DCAKD: variants seen among roughly 807,000 people sequenced by gnomAD.
DCAKD encodes the protein dephospho-CoA kinase domain-containing protein.
DCAKD carries 15 observed loss-of-function variants against 18.7 expected under a neutral mutation model. That is an observed-to-expected ratio of 0.80 (90% confidence interval 0.54 to 1.24). DCAKD has a LOEUF of 1.24. DCAKD is among the 50% of genes most tolerant of loss of function. DCAKD has a pLI of 0.00. For synonymous variants in DCAKD, 130 were observed against 133.0 expected (o/e 0.98, Z 0.16); for missense variants, 301 against 322.0 (o/e 0.93, Z 0.50).
chr17:45,028,907 G>A (rs2053115156), intron 4 of DCAKD, among the ~76,000 whole-genome samples: 1 of 150,806 alleles, frequency 6.6e-6, no homozygotes, highest in South Asian at 2.1e-4. Context: ...GTTTCACCAT[G>A]TTGGCCAGGC....
intron 3 of DCAKD, among the ~76,000 whole-genome samples, chr17:45,032,710 G>C (rs2053197307): frequency 6.6e-6 from 1 of 151,548 alleles, no homozygotes; most frequent in Admixed American, 6.6e-5. Flanking sequence ...CTTGAACCCG[G>C]GAAGGGAGGT....
rs2053234057 is a variant in DCAKD at position 45,034,177 on chromosome 17, T to C, written c.316+10A>G. The C allele has an allele frequency of 7.5e-6, 10 of 1,334,038 alleles. No homozygotes were observed. Among genetic ancestry groups the C allele is most frequent in the African/African-American group, 1.4e-5 (1 of 69,590 alleles). The allele number at this position is 1,334,038 out of a possible 1,614,324, so 82.6% of individuals were successfully genotyped here. A position where few individuals can be genotyped will look rare whatever the true frequency, so the allele number is the denominator to read the frequency against. ...AGGCCCCGCCCCCCGCCCCAGGCCCTGGCACTTACCCCGGAGGAAGTACTT... is the reference window on the plus strand; with the variant it reads ...AGGCCCCGCCCCCCGCCCCAGGCCCCGGCACTTACCCCGGAGGAAGTACTT... On this transcript the variant is annotated intron_variant, in intron 3 of 4. Transcript: ENST00000651974.
At chr17:45,029,889 C>T (rs61349683) in intron 4 of DCAKD, among the ~76,000 whole-genome samples, 193 of 152,248 alleles carry the variant, frequency 1.3e-3, no homozygotes, top group African/African-American at 4.4e-3. Flanking sequence ...GAGAAGCCCG[C>T]GGGCTGTCCC....
In DCAKD at chr17:45,024,473, A is replaced by C. The variant is rs755798788; in HGVS notation, c.656T>G (p.Leu219Arg). The change falls in exon 5 of 5, where the codon CTC becomes CGC. Residue 219 changes from leucine (L) to arginine (R), a missense_variant. Physicochemically the swap from Leu to Arg is moderately radical, Grantham distance 102. Transcript: ENST00000651974. ...VLTGLAAIAS[L>R]LYLLTHYLLP... ...AAGGTAGTGGGTGAGCAGGTAGAGG[A>C]GGCTGGCAATGGCAGCGAGCCCTGT... 2.2e-5 allele frequency: 36 copies of C among 1,612,994 alleles called. No individual in the cohort carries two copies. The highest frequency in any genetic ancestry group is 3.0e-5 in the Non-Finnish European group (35 of 1,179,064).
In DCAKD at chr17:45,024,729, G is replaced by C; in HGVS notation, c.405-5C>G. The C allele has an allele frequency of 6.4e-7, 1 of 1,562,014 alleles. No homozygotes were observed. The highest frequency in any genetic ancestry group is 8.7e-7 in the Non-Finnish European group (1 of 1,150,190). ...GCCAGCTGTGTGTCCCGGTCGCTAAGGATAGGGCAAAAGGGCACTGTAGGT... is the reference window on the plus strand; with the variant it reads ...GCCAGCTGTGTGTCCCGGTCGCTAACGATAGGGCAAAAGGGCACTGTAGGT... On this transcript the variant is annotated splice_region_variant and splice_polypyrimidine_tract_variant and intron_variant, in intron 4 of 4. Transcript: ENST00000651974.
intron 1 of DCAKD, among the ~76,000 whole-genome samples, chr17:45,050,553 C>T (rs1645812799): frequency 6.6e-6 from 1 of 152,070 alleles, no homozygotes; most frequent in African/African-American, 2.4e-5. Context: ...AAAAACCACC[C>T]GAACCCGTCT....
chr17:45,025,126 C>T (rs1437488779), intron 4 of DCAKD, among the ~76,000 whole-genome samples: 1 of 151,412 alleles, frequency 6.6e-6, no homozygotes, highest in Non-Finnish European at 1.5e-5. Flanking sequence ...ATCCTGGATC[C>T]CTGGATGGGT....
chr17:45,043,714 T>C (rs2053493394), intron 1 of DCAKD, among the ~76,000 whole-genome samples: 1 of 152,216 alleles, frequency 6.6e-6, no homozygotes, highest in Non-Finnish European at 1.5e-5. Flanking sequence ...CTTGTCCGAA[T>C]CATTCTTTGG....
intron 3 of DCAKD, among the ~76,000 whole-genome samples, chr17:45,033,585 C>T (rs2053219584): frequency 6.6e-6 from 1 of 152,212 alleles, no homozygotes; most frequent in African/African-American, 2.4e-5. Context: ...CCGTCTCAGC[C>T]TCCCGAGTAG....
Position 45,030,136 on chromosome 17 carries a change from G to A in DCAKD, c.360C>T (p.Thr120=). The A allele has an allele frequency of 6.2e-7, 1 of 1,614,120 alleles. No homozygotes were observed. The highest frequency in any genetic ancestry group is 1.3e-5 in the African/African-American group (1 of 75,014). Residue 120 remains threonine (T), a synonymous_variant, in exon 4 of 5, where the codon ACC becomes ACT. Coordinates refer to ENST00000651974, the MANE Select transcript of DCAKD (RefSeq NM_001288655.2). The part of the protein sequence containing the change: ...VILDIPLLFE[T]KKLLKYMKHT... ...GCTTCATGTACTTGAGCAACTTCTT[G>A]GTCTCAAACAGCAGGGGGATATCCA...
intron 4 of DCAKD, among the ~76,000 whole-genome samples, chr17:45,025,786 C>A (rs1660857857): frequency 1.5e-5 from 2 of 134,880 alleles, no homozygotes; most frequent in African/African-American, 2.9e-5. Flanking sequence ...CAGTCTCACT[C>A]TGTCGCCCAG....
chr17:45,033,655 G>C (rs962632719), intron 3 of DCAKD, among the ~76,000 whole-genome samples: 1 of 152,088 alleles, frequency 6.6e-6, no homozygotes, highest in African/African-American at 2.4e-5. Flanking sequence ...AGTAGGGACG[G>C]GGTTTCACCA....
At chr17:45,041,131 G>A (rs2053424023) in intron 1 of DCAKD, among the ~76,000 whole-genome samples, 1 of 151,938 alleles carries the variant, frequency 6.6e-6, no homozygotes, top group Non-Finnish European at 1.5e-5. Flanking sequence ...AGGTAGCCAG[G>A]GTCATGGCTT....
At chr17:45,052,686 C>T (rs1170740810), upstream of DCAKD, among the ~76,000 whole-genome samples, 9 of 147,754 alleles carry the variant, frequency 6.1e-5, no homozygotes, top group South Asian at 2.2e-4. Flanking sequence ...GACTAACCCC[C>T]GATCTCTACA....
chr17:45,052,720 T>G (rs1289120352), upstream of DCAKD, among the ~76,000 whole-genome samples: 2 of 148,866 alleles, frequency 1.3e-5, no homozygotes, highest in African/African-American at 2.5e-5. Context: ...AAAAACAAAC[T>G]AGCCAGGCAT....
intron 1 of DCAKD, among the ~76,000 whole-genome samples, chr17:45,050,038 T>TTTTC (rs112386425): frequency 0.93 from 136,790 of 147,634 alleles, 63,654 homozygotes; most frequent in African/African-American, 0.97. Context: ...GCAGGTAATT[T>TTTTC]TTTCTTTCTT....
rs543940958 is a variant in DCAKD, at chr17:45,040,327, C to T, written c.-114-5328G>A. 2.3e-3 allele frequency among the ~76,000 whole-genome samples: 325 copies of T among 139,824 alleles called. 1 individual carries two copies. The highest frequency in any genetic ancestry group is 8.4e-3 in the African/African-American group (313 of 37,238). The allele number at this position is 139,824 out of a possible 152,430, so 91.7% of individuals were successfully genotyped here. On this transcript the variant is annotated intron_variant, in intron 1 of 4. Transcript: ENST00000651974. ...GCTTGAACCCGGGAGGCGGAGGTTG[C>T]GGTGAGCCTAGATTGTGCCATTGCA...
chr17:45,029,510 C>T (rs983261937), intron 4 of DCAKD, among the ~76,000 whole-genome samples: 1 of 152,228 alleles, frequency 6.6e-6, no homozygotes, highest in Non-Finnish European at 1.5e-5. Flanking sequence ...ATTTTCCCCC[C>T]ACAGGTTGAT....
chr17:45,032,274 G>A (rs778529270), intron 3 of DCAKD, among the ~76,000 whole-genome samples: 8 of 152,194 alleles, frequency 5.3e-5, no homozygotes, highest in Non-Finnish European at 7.3e-5. Context: ...GGAGGCCTGC[G>A]GCATGGTGCT....
Sources: gnomAD v4.1 joint callset for allele counts (sites outside exome capture counted in the v4.1 genomes callset) on GRCh38, gnomAD v4.1.1 for gene constraint, MANE v1.5 for transcripts, NCBI Gene and HGNC (gene_info 2026-07-23, HGNC 2026-07-21) for gene names.